RBMS3: variants seen among roughly 807,000 people sequenced by gnomAD.
The protein encoded by RBMS3 is RNA binding motif single stranded interacting protein 3.
Under a neutral mutation model 66.8 loss-of-function variants are expected in RBMS3, and 27 were observed. The observed-to-expected ratio is 0.40, with a 90% confidence interval of 0.30 to 0.56. RBMS3 has a LOEUF of 0.56. Ranked by LOEUF, RBMS3 falls within the 20% of genes least tolerant of loss-of-function variation. The probability of loss-of-function intolerance (pLI) is 0.40; values close to 1 mark genes in which losing one functional copy is unlikely to be tolerated. For synonymous variants in RBMS3, 188 were observed against 183.0 expected, an observed-to-expected ratio of 1.03 and a Z score of -0.22; for missense variants, 513 against 549.5, an observed-to-expected ratio of 0.93 and a Z score of 0.66.
At chr3:29,780,021 G>T (rs2056572850) in intron 6 of RBMS3, among the ~76,000 whole-genome samples, 1 of 151,554 alleles carries the variant, frequency 6.6e-6, no homozygotes, top group Non-Finnish European at 1.5e-5. Context: ...ATGGAGGAAA[G>T]GAATCAAGGA....
Position 29,920,670 on chromosome 3 carries a change from T to C in RBMS3, c.940-15416T>C, listed in dbSNP as rs556354993. On this transcript the variant is annotated intron_variant, in intron 10 of 14. Transcript: ENST00000383767. The stretch of plus-strand genomic sequence containing the variant: ...AAGTCCCTAATGAATATACATAAAA[T>C]AGTTAACTTAAATACCTCAGATAGG... Among the ~76,000 whole-genome samples, 10 of 152,146 alleles carry C rather than the reference T, an allele frequency of 6.6e-5. No homozygotes were observed. The East Asian group carries it at 1.9e-3, about 29-fold the overall frequency.
intron 6 of RBMS3, among the ~76,000 whole-genome samples, chr3:29,785,109 C>T (rs937321242): frequency 5.9e-5 from 9 of 152,092 alleles, no homozygotes; most frequent in African/African-American, 2.2e-4. Context: ...GAATTGGTGC[C>T]AGTCCTATTG....
chr3:29,567,389 A>T (rs996548277), intron 3 of RBMS3, among the ~76,000 whole-genome samples: 1 of 152,138 alleles, frequency 6.6e-6, no homozygotes, highest in African/African-American at 2.4e-5. Flanking sequence ...AGGGTTTTCA[A>T]CCTACCTTCT....
chr3:29,322,189 G>A (rs377593912), intron 1 of RBMS3, among the ~76,000 whole-genome samples: 6 of 150,276 alleles, frequency 4.0e-5, no homozygotes, highest in South Asian at 4.2e-4. Flanking sequence ...CTTTTCTACC[G>A]TCTGGCTTAT....
chr3:29,590,562 T>C (rs970170694), intron 4 of RBMS3, among the ~76,000 whole-genome samples: 3 of 151,850 alleles, frequency 2.0e-5, no homozygotes, highest in Admixed American at 6.6e-5. Flanking sequence ...AGAATGAAGA[T>C]TGAATAAAAA....
intron 2 of RBMS3, among the ~76,000 whole-genome samples, chr3:29,482,306 C>T (rs1344158973): frequency 2.6e-5 from 4 of 152,108 alleles, no homozygotes; most frequent in African/African-American, 9.7e-5. Flanking sequence ...ATTCTGAGAA[C>T]CAGCAAATAA....
intron 4 of RBMS3, among the ~76,000 whole-genome samples, chr3:29,601,783 C>A (rs2048153201): frequency 6.6e-6 from 1 of 151,962 alleles, no homozygotes; most frequent in African/African-American, 2.4e-5. Context: ...TTAATTCAGA[C>A]TCTCAGTCTT....
chr3:29,767,649 T>G (rs1190353944), intron 6 of RBMS3: 1 of 152,002 alleles, frequency 6.6e-6, no homozygotes, highest in Non-Finnish European at 1.5e-5. Flanking sequence ...TGTATGTATA[T>G]GAATACTTTA....
In RBMS3 at chr3:30,005,221, G is replaced by C. The variant is rs1160919579; in HGVS notation, c.*1359G>C. ...CAAAAAAAAAAAGAGGGTGGGGGGA[G>C]TTGTCTCTCTTTTCTTTAAATGTGT... On this transcript the variant is annotated 3_prime_UTR_variant, in exon 15 of 15. Coordinates refer to ENST00000383767, the MANE Select transcript of RBMS3 (RefSeq NM_001003793.3). The C allele has an allele frequency of 2.0e-5, 3 of 151,096 alleles. No homozygotes were observed. Among genetic ancestry groups the C allele is most frequent in the Non-Finnish European group, 4.4e-5 (3 of 67,722 alleles). The allele number at this position is 151,096 out of a possible 1,614,324, so 9.4% of individuals were successfully genotyped here.
At chr3:29,981,462 C>A (rs961850940) in intron 12 of RBMS3, among the ~76,000 whole-genome samples, 1 of 152,140 alleles carries the variant, frequency 6.6e-6, no homozygotes, top group Non-Finnish European at 1.5e-5. Flanking sequence ...ACTTCCAATA[C>A]TATGTTGAAT....
At chr3:29,636,834 C>T (rs901096228) in intron 4 of RBMS3, among the ~76,000 whole-genome samples, 5 of 151,870 alleles carry the variant, frequency 3.3e-5, no homozygotes, top group East Asian at 3.9e-4. Context: ...GTTTTATTTT[C>T]GTTAATGAGT....
intron 10 of RBMS3, among the ~76,000 whole-genome samples, chr3:29,900,388 A>C (rs942023611): frequency 6.6e-6 from 1 of 151,764 alleles, no homozygotes; most frequent in Non-Finnish European, 1.5e-5. Context: ...AAAATATTCA[A>C]ATTCTCTTTT....
chr3:29,716,605 A>C (rs1458855052), intron 4 of RBMS3, among the ~76,000 whole-genome samples: 1 of 152,128 alleles, frequency 6.6e-6, no homozygotes. Context: ...TAAAACTTTA[A>C]GAATCATTTT....
intron 4 of RBMS3, among the ~76,000 whole-genome samples, chr3:29,666,872 TG>T (rs1422029532): frequency 1.3e-5 from 2 of 152,140 alleles, no homozygotes; most frequent in Non-Finnish European, 2.9e-5. Flanking sequence ...GCCTTCAATT[TG>T]TTAGCTTTGA....
chr3:29,484,998 CA>C (rs1176072780), intron 2 of RBMS3, among the ~76,000 whole-genome samples: 1 of 152,086 alleles, frequency 6.6e-6, no homozygotes, highest in Non-Finnish European at 1.5e-5. Flanking sequence ...GGTGATTCAG[CA>C]AAAGGGTTTA....
At chr3:29,643,055 T>C (rs1479813043) in intron 4 of RBMS3, among the ~76,000 whole-genome samples, 2 of 152,158 alleles carry the variant, frequency 1.3e-5, no homozygotes, top group African/African-American at 4.8e-5. Flanking sequence ...CTCAAGTCCA[T>C]TGAACATTGT....
intron 4 of RBMS3, among the ~76,000 whole-genome samples, chr3:29,604,024 G>C (rs550682573): frequency 6.6e-6 from 1 of 152,018 alleles, no homozygotes; most frequent in Non-Finnish European, 1.5e-5. Context: ...TAGAAGCCAG[G>C]ATGCTGCTAA....
intron 6 of RBMS3, among the ~76,000 whole-genome samples, chr3:29,866,930 A>G (rs965244264): frequency 2.0e-5 from 3 of 152,128 alleles, no homozygotes; most frequent in Non-Finnish European, 4.4e-5. Flanking sequence ...CTCTCTCTAT[A>G]CAGAACTGTG....
At chr3:29,359,294 G>T (rs56369950) in intron 1 of RBMS3, among the ~76,000 whole-genome samples, 1 of 152,096 alleles carries the variant, frequency 6.6e-6, no homozygotes, top group Non-Finnish European at 1.5e-5. Flanking sequence ...TTCTGCATCT[G>T]CTGAGACAAT....
Sources: gnomAD v4.1 joint callset for allele counts (sites outside exome capture counted in the v4.1 genomes callset) on GRCh38, gnomAD v4.1.1 for gene constraint, MANE v1.5 for transcripts, NCBI Gene and HGNC (gene_info 2026-07-23, HGNC 2026-07-21) for gene names.